Variants in TCF7L2 observed in about 807,000 individuals in gnomAD.
The protein encoded by TCF7L2 is transcription factor 7 like 2.
TCF7L2 carries 23 observed loss-of-function variants against 77.9 expected under a neutral mutation model. The observed-to-expected ratio is 0.30, with a 90% CI of 0.21 to 0.42. The LOEUF is 0.42. Among genes scored for constraint, TCF7L2 ranks in the 10% least tolerant of loss-of-function variants. The pLI, the probability that TCF7L2 is intolerant of heterozygous loss-of-function variation, is 1.00. For synonymous variants in TCF7L2, 413 were observed against 340.2 expected, an observed-to-expected ratio of 1.21 and a Z score of -2.36; for missense variants, 654 against 793.1, an observed-to-expected ratio of 0.82 and a Z score of 2.11.
At chr10:113,059,102 A>T (rs1361441524) in intron 5 of TCF7L2, among the ~76,000 whole-genome samples, 1 of 152,106 alleles carries the variant, frequency 6.6e-6, no homozygotes, top group Non-Finnish European at 1.5e-5. Flanking sequence ...TAACTCAGAC[A>T]ATTTGTCAGG....
At chr10:112,969,484 T>C (rs1261657354) in intron 4 of TCF7L2, among the ~76,000 whole-genome samples, 1 of 152,224 alleles carries the variant, frequency 6.6e-6, no homozygotes, top group African/African-American at 2.4e-5. Context: ...TATATTTCCA[T>C]TTCTGTTTAT....
chr10:112,996,380 A>G (rs2043488016), intron 4 of TCF7L2, among the ~76,000 whole-genome samples: 1 of 152,144 alleles, frequency 6.6e-6, no homozygotes. Context: ...GGGAAACCTA[A>G]AAAAGGGGCC....
chr10:112,997,433 A>G (rs2043674194), intron 4 of TCF7L2, among the ~76,000 whole-genome samples: 1 of 152,242 alleles, frequency 6.6e-6, no homozygotes, highest in South Asian at 2.1e-4. Flanking sequence ...ACCAGGCTGA[A>G]TGGGAGAGGG....
intron 5 of TCF7L2, among the ~76,000 whole-genome samples, chr10:113,078,117 G>T (rs1467384439): frequency 8.0e-6 from 1 of 124,290 alleles, no homozygotes; most frequent in African/African-American, 3.2e-5. Context: ...TCAGTTGATG[G>T]CAAGCTTCAG....
chr10:113,080,488 G>T (rs949243635), intron 5 of TCF7L2, among the ~76,000 whole-genome samples: 22 of 152,176 alleles, frequency 1.4e-4, no homozygotes, highest in African/African-American at 5.1e-4. Context: ...AGCGAATGGG[G>T]CTGGCAAGTC....
chr10:113,079,030 C>CA (rs1466513749), intron 5 of TCF7L2, among the ~76,000 whole-genome samples: 1 of 151,904 alleles, frequency 6.6e-6, no homozygotes, highest in Non-Finnish European at 1.5e-5. Context: ...ACGGGGGTTT[C>CA]ACCATGTTGG....
intron 5 of TCF7L2, among the ~76,000 whole-genome samples, chr10:113,131,084 C>G (rs370023181): frequency 4.5e-4 from 69 of 152,218 alleles, no homozygotes; most frequent in African/African-American, 1.4e-3. Flanking sequence ...TATCTTTTGC[C>G]ACAAGCTGTA....
chr10:113,130,136 C>T, intron 5 of TCF7L2: 1 of 635,486 alleles, frequency 1.6e-6, no homozygotes, highest in South Asian at 3.2e-5. Flanking sequence ...AAATGGTCAA[C>T]TCAAGCTATG....
At chr10:113,033,091 G>T (rs2050520816) in intron 4 of TCF7L2, among the ~76,000 whole-genome samples, 1 of 151,570 alleles carries the variant, frequency 6.6e-6, no homozygotes, top group African/African-American at 2.4e-5. Flanking sequence ...GACTATGTTG[G>T]TTTTTTTTCC....
At chr10:112,993,720 G>C (rs1263175339) in intron 4 of TCF7L2, among the ~76,000 whole-genome samples, 1 of 152,092 alleles carries the variant, frequency 6.6e-6, no homozygotes, top group Non-Finnish European at 1.5e-5. Flanking sequence ...CTCTTGCCTC[G>C]CAAGCTGTCT....
intron 5 of TCF7L2, among the ~76,000 whole-genome samples, chr10:113,130,811 G>A (rs1200388109): frequency 6.6e-6 from 1 of 151,696 alleles, no homozygotes; most frequent in African/African-American, 2.4e-5. Context: ...TATTACCCAG[G>A]CTGGAGTGCA....
chr10:112,951,067 T>A, intron 1 of TCF7L2, 122 bp downstream of exon 1: 1 of 1,360,018 alleles, frequency 7.4e-7, no homozygotes, highest in Non-Finnish European at 1.0e-6. Flanking sequence ...GGCGTGTGCG[T>A]ACGGTGCCAC....
In TCF7L2 at chr10:113,160,665, A is replaced by C. The variant is rs1473800678; in HGVS notation, c.1365A>C (p.Arg455=). ...GTCGGGCACTGTTCGGGCTTGACCG[A>C]CAGACTTTATGGTGCAAACCGTGCA... Residue 455 remains arginine (R), a synonymous_variant, in exon 13 of 14, where the codon CGA becomes CGC. Transcript: ENST00000627217. The C allele has an allele frequency of 6.3e-7, 1 of 1,596,338 alleles. No individual in the cohort carries two copies. The highest frequency in any genetic ancestry group is 8.5e-7 in the Non-Finnish European group (1 of 1,171,110).
intron 5 of TCF7L2, among the ~76,000 whole-genome samples, chr10:113,107,774 A>AAAAAAAAAAAAC (rs1408038947): frequency 6.7e-6 from 1 of 149,798 alleles, no homozygotes; most frequent in Non-Finnish European, 1.5e-5. Context: ...AAAAAAAAAA[A>AAAAAAAAAAAAC]AACAACAAAA....
chr10:113,024,616 CTTTTTTTTTTT>C (rs377705347), intron 4 of TCF7L2, among the ~76,000 whole-genome samples: 2 of 124,804 alleles, frequency 1.6e-5, no homozygotes, highest in Non-Finnish European at 3.4e-5. Context: ...TATATAAACC[CTTTTTTTTTTT>C]TTTTTTTTTG....
intron 4 of TCF7L2, among the ~76,000 whole-genome samples, chr10:113,000,723 A>G (rs1439451575): frequency 6.6e-6 from 1 of 152,150 alleles, no homozygotes; most frequent in Middle Eastern, 3.2e-3. Flanking sequence ...AGGAATCCTA[A>G]TTCTGTGAGA....
In TCF7L2 at chr10:113,160,750, T is replaced by C. The variant is rs1379620151; in HGVS notation, c.1391+59T>C. On this transcript the variant is annotated intron_variant, in intron 13 of 13. Transcript: ENST00000627217. ...AAAGCATTCTGTCCTTCCGGTACCTTAGCGTGATAATTTATTTTGACCTCG... is the reference window on the plus strand; with the variant it reads ...AAAGCATTCTGTCCTTCCGGTACCTCAGCGTGATAATTTATTTTGACCTCG... The C allele has an allele frequency of 2.1e-6, 3 of 1,457,544 alleles. No individual in the cohort carries two copies. In the African/African-American group the frequency reaches 4.3e-5, roughly 21 times the overall value. 90.3% of individuals were successfully genotyped at this position (1,457,544 alleles called of 1,614,324 possible).
At chr10:113,160,103 A>G (rs1162177408) in intron 12 of TCF7L2, 111 bp downstream of exon 14, 3 of 927,458 alleles carry the variant, frequency 3.2e-6, no homozygotes, top group Non-Finnish European at 3.3e-6. Flanking sequence ...CTCAGGAGAC[A>G]CAGGGGAGTG....
At chr10:113,009,039 G>A (rs1188490803) in intron 4 of TCF7L2, among the ~76,000 whole-genome samples, 1 of 152,108 alleles carries the variant, frequency 6.6e-6, no homozygotes, top group Non-Finnish European at 1.5e-5. Context: ...GGGTTCAAGC[G>A]ATCCTCCCAT....
Sources: gnomAD v4.1 joint callset for allele counts (sites outside exome capture counted in the v4.1 genomes callset) on GRCh38, gnomAD v4.1.1 for gene constraint, MANE v1.5 for transcripts, NCBI Gene and HGNC (gene_info 2026-07-23, HGNC 2026-07-21) for gene names.